SIMC1: variants seen among roughly 807,000 people sequenced by gnomAD.
SIMC1 encodes the protein SUMO interacting motifs containing 1.
SIMC1 carries 55 observed loss-of-function variants against 82.3 expected under a neutral mutation model. That is an observed-to-expected ratio of 0.67 (90% CI 0.54 to 0.84). The LOEUF is 0.84. SIMC1 is among the 40% of genes least tolerant of loss of function. The pLI is 0.00. For missense variants in SIMC1, 915 were observed against 1,107.2 expected, an observed-to-expected ratio of 0.83 and a Z score of 2.46; for synonymous variants, 353 against 426.3, an observed-to-expected ratio of 0.83 and a Z score of 2.12.
intron 1 of SIMC1, among the ~76,000 whole-genome samples, chr5:176,281,029 C>A (rs1254799555): frequency 2.6e-5 from 4 of 152,222 alleles, no homozygotes; most frequent in Non-Finnish European, 5.9e-5. Flanking sequence ...AGAGTGTTTT[C>A]CAACTTGGTT....
chr5:176,316,690 A>G (rs1764924395), intron 5 of SIMC1, among the ~76,000 whole-genome samples: 1 of 151,060 alleles, frequency 6.6e-6, no homozygotes. Flanking sequence ...ACTCTGTCTC[A>G]AAAATAAATA....
chr5:176,293,747 CA>C (rs531149436), intron 2 of SIMC1, among the ~76,000 whole-genome samples: 22,032 of 110,946 alleles, frequency 0.2, 1,522 homozygotes, highest in Middle Eastern at 0.33. Flanking sequence ...GACTTCATCT[CA>C]AAAAAAAAAA....
intron 1 of SIMC1, among the ~76,000 whole-genome samples, chr5:176,271,068 G>A (rs2113176181): frequency 6.6e-6 from 1 of 152,268 alleles, no homozygotes; most frequent in African/African-American, 2.4e-5. Context: ...CGGGAGGAGA[G>A]GGAAGAGTAA....
At chr5:176,243,416 T>TA (rs201809998) in intron 1 of SIMC1, among the ~76,000 whole-genome samples, 2,241 of 152,194 alleles carry the variant, frequency 0.015, 32 homozygotes, top group Non-Finnish European at 0.022. Flanking sequence ...GTAGGTAGGT[T>TA]AGGTTATAGG....
chr5:176,308,168 G>T, intron 4 of SIMC1: 1 of 1,179,306 alleles, frequency 8.5e-7, no homozygotes, highest in Non-Finnish European at 1.3e-6. Context: ...GGAAGTGATG[G>T]GGCTGTGGAT....
At chr5:176,270,195 T>C (rs1389133249) in intron 1 of SIMC1, 1 of 151,868 alleles carries the variant, frequency 6.6e-6, no homozygotes, top group Non-Finnish European at 1.5e-5. Context: ...TCAATATAAA[T>C]TCTGATATTA....
chr5:176,289,101 T>C (rs1390408630), intron 1 of SIMC1, among the ~76,000 whole-genome samples: 1 of 152,218 alleles, frequency 6.6e-6, no homozygotes, highest in East Asian at 1.9e-4. Context: ...GAGACAGATC[T>C]GTGTTTGAAT....
At chr5:176,298,256 T>C (rs2113289917) in intron 4 of SIMC1, among the ~76,000 whole-genome samples, 1 of 152,290 alleles carries the variant, frequency 6.6e-6, no homozygotes, top group African/African-American at 2.4e-5. Flanking sequence ...ATACCTTGGC[T>C]CTTCCCTTGG....
chr5:176,317,370 T>C (rs1007850450), intron 5 of SIMC1, among the ~76,000 whole-genome samples: 2 of 152,226 alleles, frequency 1.3e-5, no homozygotes, highest in South Asian at 2.1e-4. Context: ...TTCAGAAATA[T>C]ACTTGTCTCC....
At chr5:176,305,465 C>T (rs1418301307) in intron 4 of SIMC1, among the ~76,000 whole-genome samples, 1 of 68,590 alleles carries the variant, frequency 1.5e-5, no homozygotes, top group Non-Finnish European at 3.1e-5. Flanking sequence ...CGCCTCTGCC[C>T]GGCCGCCCCT....
intron 1 of SIMC1, among the ~76,000 whole-genome samples, chr5:176,250,139 A>G (rs577063174): frequency 1.9e-4 from 29 of 152,292 alleles, no homozygotes; most frequent in Non-Finnish European, 3.7e-4. Flanking sequence ...CCTTGGTTTC[A>G]AAGAATTATT....
At chr5:176,257,138 A>C (rs908056572) in intron 1 of SIMC1, among the ~76,000 whole-genome samples, 1 of 152,150 alleles carries the variant, frequency 6.6e-6, no homozygotes, top group Non-Finnish European at 1.5e-5. Flanking sequence ...TCTTTATTCA[A>C]TAGCATAACT....
chr5:176,291,159 C>CTTTTT (rs1173030195), intron 2 of SIMC1, among the ~76,000 whole-genome samples: 77 of 88,480 alleles, frequency 8.7e-4, no homozygotes, highest in African/African-American at 1.1e-3. Context: ...TGTCACTTTA[C>CTTTTT]TTTTTTTTTT....
intron 7 of SIMC1, among the ~76,000 whole-genome samples, chr5:176,328,013 A>G (rs930350534): frequency 4.6e-5 from 7 of 152,180 alleles, no homozygotes; most frequent in African/African-American, 1.7e-4. Context: ...TTTTGCATCA[A>G]TGTTTACAAG....
At chr5:176,274,480 C>A (rs904780941) in intron 1 of SIMC1, among the ~76,000 whole-genome samples, 1 of 151,676 alleles carries the variant, frequency 6.6e-6, no homozygotes, top group African/African-American at 2.4e-5. Context: ...ATGGTAGTTT[C>A]TTTTGCTGTG....
At chr5:176,305,533 G>A (rs1215630247) in intron 4 of SIMC1, among the ~76,000 whole-genome samples, 1 of 143,262 alleles carries the variant, frequency 7.0e-6, no homozygotes, top group Non-Finnish European at 1.5e-5. Context: ...AGGGAGGTGG[G>A]GGGGTCAGCC....
At chr5:176,315,319 C>G (rs1169281535) in intron 5 of SIMC1, among the ~76,000 whole-genome samples, 1 of 152,080 alleles carries the variant, frequency 6.6e-6, no homozygotes, top group Non-Finnish European at 1.5e-5. Context: ...CTCGAGTGAA[C>G]TAATAGAGTG....
rs550182179 is a variant in SIMC1 at position 176,289,729 on chromosome 5, A to G, written c.205A>G (p.Arg69Gly). 12 of 1,613,568 alleles carry G rather than the reference A, an allele frequency of 7.4e-6. No individual in the cohort carries two copies. The Admixed American group carries it at 2.0e-4, about 27-fold the overall frequency. The change falls in exon 2 of 10, where the codon AGA (arginine) becomes GGA (glycine). Residue 69 changes from arginine (R) to glycine (G), a missense_variant. Arg to Gly is a moderately radical substitution (Grantham distance 125). This residue lies in a region of SIMC1 where 902 missense variants were observed against 1,040.3 expected (regional missense o/e 0.87). Transcript: ENST00000429602. ...RSGLYVIDLT[R>G]AEGENRPIAT... ...TGGACTGTATGTGATTGACCTGACA[A>G]GAGCTGAGGGAGAAAATAGACCTAT...
At chr5:176,318,303 G>C (rs2113358280) in intron 5 of SIMC1, among the ~76,000 whole-genome samples, 1 of 152,244 alleles carries the variant, frequency 6.6e-6, no homozygotes, top group South Asian at 2.1e-4. Context: ...TGGAAAATTG[G>C]GGTTTTCCTT....
Sources: gnomAD v4.1 joint callset for allele counts (sites outside exome capture counted in the v4.1 genomes callset) on GRCh38, gnomAD v4.1.1 for gene constraint, gnomAD v4.1.1 regional missense constraint, MANE v1.5 for transcripts, NCBI Gene and HGNC (gene_info 2026-07-23, HGNC 2026-07-21) for gene names.